The following RALGAPB variants were observed in gnomAD, a reference collection of about 807,000 sequenced individuals.
RALGAPB encodes the protein Ral GTPase activating protein non-catalytic subunit beta.
Under a neutral mutation model 161.1 loss-of-function variants are expected in RALGAPB, and 25 were observed. The observed-to-expected ratio is 0.16, with a 90% CI of 0.11 to 0.22. The LOEUF is 0.22. Ranked by LOEUF, RALGAPB falls within the 10% of genes least tolerant of loss-of-function variation. RALGAPB has a pLI of 1.00. For synonymous variants in RALGAPB, 629 were observed against 626.1 expected (o/e 1.00, Z -0.07); for missense variants, 1,391 against 1,815.2 (o/e 0.77, Z 4.25).
At chr20:38,487,445 T>C (rs1237011101) in intron 1 of RALGAPB, among the ~76,000 whole-genome samples, 5 of 152,184 alleles carry the variant, frequency 3.3e-5, no homozygotes, top group Admixed American at 3.3e-4. Flanking sequence ...CTTAAATCAT[T>C]ATGGGTTGGC....
intron 21 of RALGAPB, among the ~76,000 whole-genome samples, chr20:38,552,398 C>T (rs952138666): frequency 6.6e-6 from 1 of 152,184 alleles, no homozygotes; most frequent in Non-Finnish European, 1.5e-5. Context: ...TCCTTTGCCT[C>T]CCCTCAAAGT....
At chr20:38,549,778 T>A (rs1601021458) in intron 20 of RALGAPB, among the ~76,000 whole-genome samples, 1 of 151,830 alleles carries the variant, frequency 6.6e-6, no homozygotes, top group Non-Finnish European at 1.5e-5. Context: ...TTATTGGATT[T>A]CCTTCCCTTT....
chr20:38,524,358 A>G (rs1164859611), intron 10 of RALGAPB, among the ~76,000 whole-genome samples: 1 of 152,188 alleles, frequency 6.6e-6, no homozygotes, highest in South Asian at 2.1e-4. Flanking sequence ...TACGGAATTT[A>G]ACTCAGCAGT....
chr20:38,494,489 G>T (rs953968461), intron 3 of RALGAPB, among the ~76,000 whole-genome samples: 1 of 152,142 alleles, frequency 6.6e-6, no homozygotes, highest in Non-Finnish European at 1.5e-5. Context: ...AACTTAGCCG[G>T]GTGTGGCGGC....
chr20:38,551,751 AT>A (rs1014377452), intron 21 of RALGAPB, among the ~76,000 whole-genome samples: 3 of 152,158 alleles, frequency 2.0e-5, no homozygotes, highest in African/African-American at 7.2e-5. Context: ...GATGGGAAAA[AT>A]TTATTTGGCT....
chr20:38,577,698 G>GACACACACACACACACACACAC lies in RALGAPB; in HGVS notation c.*2744_*2765dup, dbSNP rs56716236. 1 of 146,226 alleles carries GACACACACACACACACACACAC rather than the reference G, an allele frequency of 6.8e-6. No homozygotes were observed. The highest frequency in any genetic ancestry group is 2.5e-5 in the African/African-American group (1 of 39,246). 9.1% of individuals were successfully genotyped at this position (146,226 alleles called of 1,614,324 possible). A position where few individuals can be genotyped will look rare whatever the true frequency, so the allele number is the denominator to read the frequency against. The stretch of plus-strand genomic sequence containing the variant: ...ATTGGGCCTTTGAAAGGACTAATCA[G>GACACACACACACACACACACAC]ACACACACACACACACACACACACA... On this transcript the variant is annotated 3_prime_UTR_variant, in exon 30 of 30. Transcript: ENST00000262879.
At chr20:38,566,968 G>A in intron 25 of RALGAPB, 128 bp from the exon 26 acceptor site, 2 of 1,427,228 alleles carry the variant, frequency 1.4e-6, no homozygotes, top group South Asian at 3.4e-5. Context: ...AAGTTTGTCA[G>A]CCCTTGCTCT....
At chr20:38,521,346 T>A (rs972265077) in intron 9 of RALGAPB, 151 bp from the exon 10 acceptor site, 13 of 1,305,458 alleles carry the variant, frequency 1.0e-5, no homozygotes, top group Non-Finnish European at 8.1e-6. Flanking sequence ...GAGCCCTTTT[T>A]AAAAATATTA....
rs551321001 is a variant in RALGAPB at position 38,512,821 on chromosome 20, G to A, written c.873-3371G>A. Among the ~76,000 whole-genome samples the A allele has an allele frequency of 2.2e-4, 34 of 152,178 alleles. 1 individual carries two copies. The highest frequency in any genetic ancestry group is 1.7e-3 in the Admixed American group (26 of 15,282). On this transcript the variant is annotated intron_variant, in intron 6 of 29. Coordinates refer to ENST00000262879, the MANE Select transcript of RALGAPB (RefSeq NM_020336.4). ...GTCACCCAGGCTGGAGTGCAGTGGC[G>A]CAATCTCTGCTCACTGCAAGTTCCG...
At chr20:38,504,902 G>A (rs2085711703) in intron 5 of RALGAPB, among the ~76,000 whole-genome samples, 2 of 152,060 alleles carry the variant, frequency 1.3e-5, no homozygotes, top group African/African-American at 4.8e-5. Context: ...GGCAGAATGG[G>A]TATTATTAAA....
chr20:38,487,305 A>G (rs1479269838), intron 1 of RALGAPB, among the ~76,000 whole-genome samples: 1 of 150,376 alleles, frequency 6.6e-6, no homozygotes, highest in Non-Finnish European at 1.5e-5. Context: ...TGCAATTCCC[A>G]TTAGAATTGT....
chr20:38,474,267 A>G (rs2084739853), intron 1 of RALGAPB, among the ~76,000 whole-genome samples: 2 of 151,946 alleles, frequency 1.3e-5, no homozygotes. Flanking sequence ...TCTCTCCTAT[A>G]TGCATATACA....
At chr20:38,504,463 C>T (rs964837335) in intron 5 of RALGAPB, among the ~76,000 whole-genome samples, 22 of 152,126 alleles carry the variant, frequency 1.4e-4, no homozygotes, top group African/African-American at 5.3e-4. Flanking sequence ...AATGTAATAC[C>T]TCAAGCTATA....
intron 16 of RALGAPB, among the ~76,000 whole-genome samples, chr20:38,538,998 T>G (rs1398765155): frequency 6.6e-6 from 1 of 152,208 alleles, no homozygotes; most frequent in African/African-American, 2.4e-5. Flanking sequence ...CAATGTCCAT[T>G]AATAAGTAAC....
intron 5 of RALGAPB, among the ~76,000 whole-genome samples, chr20:38,502,770 T>G (rs2122974669): frequency 6.6e-6 from 1 of 152,284 alleles, no homozygotes; most frequent in East Asian, 1.9e-4. Context: ...GCCCAGCTAA[T>G]TTTTTAGTAT....
At position 38,562,714 on chromosome 20, in the gene RALGAPB, T is replaced by C. The variant is rs1374515508; in HGVS notation, c.3697+17T>C. On this transcript the variant is annotated intron_variant, in intron 24 of 29. Transcript: ENST00000262879. ...CTCAACAAGGTAAAACTCACAGTGTTTCAAATGTCAGTTGTTTCTTGTTTG... is the reference window on the plus strand; with the variant it reads ...CTCAACAAGGTAAAACTCACAGTGTCTCAAATGTCAGTTGTTTCTTGTTTG... 15 of 1,572,704 alleles carry C rather than the reference T, an allele frequency of 9.5e-6. No homozygotes were observed. The South Asian group carries it at 1.4e-4, about 15-fold the overall frequency.
chr20:38,568,272 A>C (rs1317487126), intron 26 of RALGAPB, among the ~76,000 whole-genome samples: 1 of 151,626 alleles, frequency 6.6e-6, no homozygotes, highest in Non-Finnish European at 1.5e-5. Context: ...CAAAAAAAAA[A>C]CAAAGCAAAA....
chr20:38,535,323 T>A, intron 16 of RALGAPB, 116 bp downstream of exon 16: 1 of 1,253,680 alleles, frequency 8.0e-7, no homozygotes. Flanking sequence ...AAACATAGTT[T>A]ATATTATATC....
intron 5 of RALGAPB, among the ~76,000 whole-genome samples, chr20:38,507,988 TGTTGA>T (rs1211749204): frequency 3.9e-5 from 6 of 152,002 alleles, no homozygotes; most frequent in African/African-American, 1.4e-4. Context: ...GTAATTAAGT[TGTTGA>T]GTTATTTTTA....
Sources: gnomAD v4.1 joint callset for allele counts (sites outside exome capture counted in the v4.1 genomes callset) on GRCh38, gnomAD v4.1.1 for gene constraint, MANE v1.5 for transcripts, NCBI Gene and HGNC (gene_info 2026-07-23, HGNC 2026-07-21) for gene names.